Variants in ITGA6 observed in about 807,000 individuals in gnomAD.
The protein encoded by ITGA6 is integrin subunit alpha 6, also known as integrin alpha-6.
In ITGA6, 63 loss-of-function variants were observed where a neutral mutation model predicts 133.6. That is an observed-to-expected ratio of 0.47 (90% CI 0.38 to 0.58). The LOEUF is 0.58. ITGA6 is among the 20% of genes least tolerant of loss of function. The pLI, the probability that ITGA6 is intolerant of heterozygous loss-of-function variation, is 0.00. For missense variants in ITGA6, 1,068 were observed against 1,309.4 expected, an observed-to-expected ratio of 0.82 and a Z score of 2.85; for synonymous variants, 434 against 482.0, an observed-to-expected ratio of 0.90 and a Z score of 1.30.
At chr2:172,443,742 A>G (rs560601867) in intron 1 of ITGA6, among the ~76,000 whole-genome samples, 6 of 152,278 alleles carry the variant, frequency 3.9e-5, no homozygotes, top group African/African-American at 1.4e-4. Context: ...ATGTTTTATC[A>G]CTGTGTTGAG....
At position 172,435,027 on chromosome 2, in the gene ITGA6, A is replaced by AGTGTGTGTGTGTGTGT. The variant is rs72087668; in HGVS notation, c.182+7074_182+7089dup. Among the ~76,000 whole-genome samples the AGTGTGTGTGTGTGTGT allele has an allele frequency of 1.2e-3, 169 of 144,162 alleles. 1 individual carries two copies. Among genetic ancestry groups the AGTGTGTGTGTGTGTGT allele is most frequent in the African/African-American group, 4.2e-3 (163 of 39,080 alleles). 94.6% of individuals were successfully genotyped at this position (144,162 alleles called of 152,430 possible). A position where few individuals can be genotyped will look rare whatever the true frequency, so the allele number is the denominator to read the frequency against. On this transcript the variant is annotated intron_variant, in intron 1 of 25. Coordinates refer to ENST00000684293, the MANE Select transcript of ITGA6 (RefSeq NM_000210.4). Reference sequence around the variant, plus strand: ...GTTCATTTGTACTGAGGTGGTTTTAAGTGTGTGTGTGTGTGTGTGTGTGTG... The same window carrying AGTGTGTGTGTGTGTGT: ...GTTCATTTGTACTGAGGTGGTTTTAAGTGTGTGTGTGTGTGTGTGTGTGTGTGTGTGTGTGTGTGTG...
intron 1 of ITGA6, chr2:172,428,368 G>C (rs1683957453): frequency 6.5e-6 from 1 of 152,754 alleles, no homozygotes; most frequent in Non-Finnish European, 1.5e-5. Context: ...CGCTGCTGTG[G>C]GTTTGCAGGG....
At chr2:172,430,360 C>T (rs1031160989) in intron 1 of ITGA6, among the ~76,000 whole-genome samples, 1 of 152,112 alleles carries the variant, frequency 6.6e-6, no homozygotes, top group Non-Finnish European at 1.5e-5. Context: ...GAGAGTAAAG[C>T]CAAAGGTGGT....
At chr2:172,475,182 G>A in intron 7 of ITGA6, 60 bp downstream of exon 7, 1 of 1,143,384 alleles carries the variant, frequency 8.7e-7, no homozygotes, top group South Asian at 1.3e-5. Context: ...TTAAATAATA[G>A]CGCTGCTGGG....
At chr2:172,455,817 C>G (rs749497476) in intron 1 of ITGA6, among the ~76,000 whole-genome samples, 5 of 152,140 alleles carry the variant, frequency 3.3e-5, no homozygotes, top group Non-Finnish European at 7.4e-5. Flanking sequence ...TTTTTTATAA[C>G]TTAAAGTACA....
intron 1 of ITGA6, among the ~76,000 whole-genome samples, chr2:172,457,904 G>C (rs1347161822): frequency 6.6e-6 from 1 of 152,186 alleles, no homozygotes; most frequent in African/African-American, 2.4e-5. Flanking sequence ...GAAGCAGAAA[G>C]CAGATGGGAT....
intron 1 of ITGA6, among the ~76,000 whole-genome samples, chr2:172,433,466 T>C (rs1684190789): frequency 6.6e-6 from 1 of 152,194 alleles, no homozygotes; most frequent in African/African-American, 2.4e-5. Flanking sequence ...ATTGACTAGC[T>C]ATGATTTTGT....
chr2:172,474,706 A>G (rs1686089965), intron 6 of ITGA6, among the ~76,000 whole-genome samples: 1 of 152,160 alleles, frequency 6.6e-6, no homozygotes, highest in African/African-American at 2.4e-5. Context: ...CTGCTGTACT[A>G]TGGTTCTAAC....
rs1485620968 is a variant in ITGA6 at position 172,491,260 on chromosome 2, C to T, written c.2818C>T (p.Pro940Ser). 2.5e-6 allele frequency: 4 copies of T among 1,612,850 alleles called. No homozygotes were observed. Among genetic ancestry groups the T allele is most frequent in the Admixed American group, 3.3e-5 (2 of 59,984 alleles). The change falls in exon 22 of 26, where the codon CCG becomes TCG. Residue 940 changes from proline to serine, a missense_variant. By Grantham distance (74) the Pro-to-Ser change is moderately conservative (BLOSUM62 -1). Around this residue, in one of 3 missense-constraint regions of ITGA6, gnomAD observed 609 missense variants for 707.2 expected, o/e 0.86. Coordinates refer to ENST00000684293, the MANE Select transcript of ITGA6 (RefSeq NM_000210.4). The surrounding 1 kb of genome is among the most constrained non-coding windows in gnomAD (Gnocchi z 4.4). ...CGTGAACTGTGTGAACATCAGATGC[C>T]CGCTGCGGGGGCTGGACAGCAAGGC... Reference protein sequence around the residue: ...VNVNCVNIRCPLRGLDSKASL... With the variant: ...VNVNCVNIRCSLRGLDSKASL...
At chr2:172,445,634 G>T (rs1684732637) in intron 1 of ITGA6, among the ~76,000 whole-genome samples, 1 of 147,486 alleles carries the variant, frequency 6.8e-6, no homozygotes, top group African/African-American at 2.5e-5. Flanking sequence ...GGGCGACAGA[G>T]TGAGACTCCG....
intron 1 of ITGA6, among the ~76,000 whole-genome samples, chr2:172,454,207 C>T (rs1685124319): frequency 6.6e-6 from 1 of 151,966 alleles, no homozygotes; most frequent in Admixed American, 6.6e-5. Context: ...CCTCAGCCTC[C>T]CGAGTAGCTA....
Position 172,484,767 on chromosome 2 carries a change from T to A in ITGA6, c.1550-15T>A. On this transcript the variant is annotated splice_polypyrimidine_tract_variant and intron_variant, in intron 11 of 25. Transcript: ENST00000684293. ...ATGAATGCACTTACGTTAATATGATTTTAATTTTATCTAGCAATTGTGGGC... is the reference window on the plus strand; with the variant it reads ...ATGAATGCACTTACGTTAATATGATATTAATTTTATCTAGCAATTGTGGGC... 6.2e-7 allele frequency: 1 copy of A among 1,612,094 alleles called. No individual in the cohort carries two copies. The highest frequency in any genetic ancestry group is 8.5e-7 in the Non-Finnish European group (1 of 1,178,212).
intron 24 of ITGA6, among the ~76,000 whole-genome samples, chr2:172,498,360 A>G (rs1313538000): frequency 6.6e-6 from 1 of 152,252 alleles, no homozygotes; most frequent in Non-Finnish European, 1.5e-5. Flanking sequence ...CATGTTTAGC[A>G]AATAACAAAT....
At position 172,491,088 on chromosome 2, in the gene ITGA6, T is replaced by A. The variant is rs749659576; in HGVS notation, c.2744T>A (p.Phe915Tyr). Residue 915 changes from phenylalanine to tyrosine, a missense_variant, in exon 21 of 26, where the codon TTT (phenylalanine) becomes TAT (tyrosine). Phe to Tyr is a conservative substitution (Grantham distance 22, BLOSUM62 3). Transcript: ENST00000684293. This position sits in a 1 kb window ranked among gnomAD's most constrained non-coding sequence, Gnocchi z 4.4. ...TEKQIDDNRK[F>Y]SLFAERKYQT... ...AAACAGATAGATGATAACAGAAAAT[T>A]TTCTTTATTTGCTGAAAGAAAATAC... is the stretch of plus-strand genomic sequence containing the variant. 3 of 1,589,192 alleles carry A rather than the reference T, an allele frequency of 1.9e-6. No individual in the cohort carries two copies. The highest frequency in any genetic ancestry group is 2.6e-6 in the Non-Finnish European group (3 of 1,157,428).
intron 1 of ITGA6, among the ~76,000 whole-genome samples, chr2:172,459,375 A>G (rs962121677): frequency 6.6e-6 from 1 of 152,210 alleles, no homozygotes; most frequent in Non-Finnish European, 1.5e-5. Context: ...GTGATGGCAC[A>G]TGCCTGTAAT....
intron 1 of ITGA6, among the ~76,000 whole-genome samples, chr2:172,441,707 C>T (rs1408062383): frequency 6.6e-6 from 1 of 151,298 alleles, no homozygotes; most frequent in African/African-American, 2.4e-5. Flanking sequence ...CTATTTTCCA[C>T]TTGTAGAAGT....
chr2:172,482,970 A>T (rs116873711), intron 11 of ITGA6, among the ~76,000 whole-genome samples: 1 of 152,052 alleles, frequency 6.6e-6, no homozygotes, highest in Non-Finnish European at 1.5e-5. Flanking sequence ...GTTGCTGGGG[A>T]CTGTGGTGGG....
Position 172,505,085 on chromosome 2 carries a change from T to TTATC in ITGA6, c.*1021_*1024dup, listed in dbSNP as rs886055135. ...TACCAGAGAGAGTTGTTTTAATAAC[T>TTATC]TATCTATAAACTATAACCTCTCCTT... On this transcript the variant is annotated 3_prime_UTR_variant, in exon 26 of 26. Transcript: ENST00000684293. 1 of 152,600 alleles carries TTATC rather than the reference T, an allele frequency of 6.6e-6. No individual in the cohort carries two copies. Among genetic ancestry groups the TTATC allele is most frequent in the African/African-American group, 2.4e-5 (1 of 41,434 alleles). 9.5% of individuals were successfully genotyped at this position (152,600 alleles called of 1,614,324 possible).
At chr2:172,501,626 C>A in intron 24 of ITGA6, 146 bp from the exon 25 acceptor site, 1 of 687,268 alleles carries the variant, frequency 1.5e-6, no homozygotes, top group Non-Finnish European at 2.6e-6. Flanking sequence ...TGAAACAATG[C>A]AGTGGCTGTT....
Sources: gnomAD v4.1 joint callset for allele counts (sites outside exome capture counted in the v4.1 genomes callset) on GRCh38, gnomAD v4.1.1 for gene constraint, gnomAD v4.1.1 regional missense constraint, Gnocchi (gnomAD v3.1) non-coding constraint, MANE v1.5 for transcripts, NCBI Gene and HGNC (gene_info 2026-07-23, HGNC 2026-07-21) for gene names.